The following SPATA22 variants were observed in gnomAD, a reference collection of about 807,000 sequenced individuals.
SPATA22 encodes spermatogenesis-associated protein 22.
In SPATA22, 29 loss-of-function variants were observed where a neutral mutation model predicts 47.8. The observed-to-expected ratio is 0.61, with a 90% CI of 0.45 to 0.83. The LOEUF (loss-of-function observed/expected upper bound fraction) is 0.83, where lower values mean the gene tolerates loss of function less well. Among genes scored for constraint, SPATA22 ranks in the 40% least tolerant of loss-of-function variants. The pLI, the probability that SPATA22 is intolerant of heterozygous loss-of-function variation, is 0.00. For synonymous variants in SPATA22, 133 were observed against 140.9 expected, an observed-to-expected ratio of 0.94 and a Z score of 0.40; for missense variants, 410 against 421.7, an observed-to-expected ratio of 0.97 and a Z score of 0.24.
At chr17:3,457,000 C>G (rs573401382) in intron 5 of SPATA22, among the ~76,000 whole-genome samples, 39 of 151,926 alleles carry the variant, frequency 2.6e-4, no homozygotes, top group Middle Eastern at 3.4e-3. Flanking sequence ...ATTCAACAAC[C>G]CTTCATGCTA....
chr17:3,498,942 G>C lies in SPATA22; in HGVS notation c.-74+14470C>G, dbSNP rs762812945. The C allele has an allele frequency of 1.9e-6, 3 of 1,612,270 alleles. No individual in the cohort carries two copies. In the South Asian group the frequency reaches 3.3e-5, roughly 18 times the overall value. ...TGGGGATCCCATGTTTTTAACTCTTGATGGGAAGACGATCCCACTGGGCGG... is the reference window on the plus strand; with the variant it reads ...TGGGGATCCCATGTTTTTAACTCTTCATGGGAAGACGATCCCACTGGGCGG... On this transcript the variant is annotated intron_variant, in intron 1 of 8. Coordinates refer to the SPATA22 transcript ENST00000541913.
intron 3 of SPATA22, among the ~76,000 whole-genome samples, chr17:3,465,260 C>T: frequency 6.8e-6 from 1 of 146,876 alleles, no homozygotes; most frequent in South Asian, 2.2e-4. Context: ...GCCCGGCCAC[C>T]ACCCCGTCTG....
At chr17:3,470,185 C>A (rs34838258) in intron 1 of SPATA22, among the ~76,000 whole-genome samples, 35,293 of 150,362 alleles carry the variant, frequency 0.23, 4,386 homozygotes, top group East Asian at 0.43. Flanking sequence ...ACAACTTCAA[C>A]AAGTGAAACA....
chr17:3,454,663 T>A (rs1004979146), intron 5 of SPATA22, among the ~76,000 whole-genome samples: 1 of 152,068 alleles, frequency 6.6e-6, no homozygotes, highest in East Asian at 1.9e-4. Flanking sequence ...TATTTCATGG[T>A]GTATATGTGC....
At chr17:3,476,476 T>C, upstream of SPATA22, 1 of 1,270,730 alleles carries the variant, frequency 7.9e-7, no homozygotes, top group Non-Finnish European at 1.1e-6. Context: ...CATATATGTA[T>C]ATGCAGATGA....
At chr17:3,469,684 T>C (rs1365503016) in intron 1 of SPATA22, among the ~76,000 whole-genome samples, 1 of 152,232 alleles carries the variant, frequency 6.6e-6, no homozygotes, top group African/African-American at 2.4e-5. Context: ...AAGAGAATTC[T>C]GAACCACACC....
upstream of SPATA22, chr17:3,476,220 C>T (rs773063268): frequency 6.2e-7 from 1 of 1,614,088 alleles, no homozygotes; most frequent in Non-Finnish European, 8.5e-7. Context: ...TGGAGGAACC[C>T]ATGGGAATGA....
intron 1 of SPATA22, chr17:3,499,645 G>T (rs1309100885): frequency 6.6e-6 from 1 of 152,328 alleles, no homozygotes; most frequent in African/African-American, 2.4e-5. Flanking sequence ...TGTTACTGTT[G>T]TTAAGTGTTT....
At chr17:3,479,639 C>T (rs1468145264) in intron 1 of SPATA22, among the ~76,000 whole-genome samples, 3 of 152,044 alleles carry the variant, frequency 2.0e-5, no homozygotes, top group African/African-American at 4.8e-5. Context: ...CTTCCCCCTG[C>T]ACCGACTCGA....
chr17:3,468,868 T>C, intron 2 of SPATA22: 1 of 942,202 alleles, frequency 1.1e-6, no homozygotes, highest in Non-Finnish European at 1.3e-6. Context: ...ATTCCCCTGG[T>C]TCTCATCATC....
chr17:3,484,211 C>A (rs1026390559), intron 1 of SPATA22, among the ~76,000 whole-genome samples: 1 of 152,168 alleles, frequency 6.6e-6, no homozygotes, highest in Non-Finnish European at 1.5e-5. Flanking sequence ...CCTGACCCTC[C>A]TCTATAGCAT....
Position 3,458,855 on chromosome 17 carries a change from C to CAAAAAAAAAAAAAAAAAAAAA in SPATA22, c.329+3607_329+3627dup, listed in dbSNP as rs545223532. 1.2e-3 allele frequency among the ~76,000 whole-genome samples: 45 copies of CAAAAAAAAAAAAAAAAAAAAA among 38,344 alleles called. 2 individuals carry two copies. Among genetic ancestry groups the CAAAAAAAAAAAAAAAAAAAAA allele is most frequent in the African/African-American group, 2.1e-3 (18 of 8,766 alleles). The allele number at this position is 38,344 out of a possible 152,430, so 25.2% of individuals were successfully genotyped here. A position where few individuals can be genotyped will look rare whatever the true frequency, so the allele number is the denominator to read the frequency against. Reference sequence around the variant, plus strand: ...CCTGGGCAACAAGAGCGAAACTTCACAAAAAAAAAAAAAAAAAAAAAAAAA... The same window carrying CAAAAAAAAAAAAAAAAAAAAA: ...CCTGGGCAACAAGAGCGAAACTTCACAAAAAAAAAAAAAAAAAAAAAAAAAAAAAAAAAAAAAAAAAAAAAA... On this transcript the variant is annotated intron_variant, in intron 5 of 8. Coordinates refer to ENST00000572969, the MANE Select transcript of SPATA22 (RefSeq NM_001170698.2).
chr17:3,473,304 T>A (rs1490919822), upstream of SPATA22, among the ~76,000 whole-genome samples: 1 of 152,146 alleles, frequency 6.6e-6, no homozygotes, highest in Non-Finnish European at 1.5e-5. Flanking sequence ...GTAAAAGTAG[T>A]TTGATTACAT....
rs1488926178 is a variant in SPATA22, at chr17:3,455,621, T to C, written c.330-6472A>G. 1.1e-4 allele frequency among the ~76,000 whole-genome samples: 15 copies of C among 142,714 alleles called. No individual in the cohort carries two copies. In the East Asian group the frequency reaches 2.7e-3, roughly 26 times the overall value. The allele number at this position is 142,714 out of a possible 152,430, so 93.6% of individuals were successfully genotyped here. A position where few individuals can be genotyped will look rare whatever the true frequency, so the allele number is the denominator to read the frequency against. ...AGATAGTTGTAGATATGCGGCGTTATTTCTGAGGGCTCTGTTCTGTTCCAT... is the reference window on the plus strand; with the variant it reads ...AGATAGTTGTAGATATGCGGCGTTACTTCTGAGGGCTCTGTTCTGTTCCAT... On this transcript the variant is annotated intron_variant, in intron 5 of 8. Coordinates refer to ENST00000572969, the MANE Select transcript of SPATA22 (RefSeq NM_001170698.2).
rs544190564 is a variant in SPATA22 at position 3,490,784 on chromosome 17, C to T, written c.-73-21386G>A. 2.0e-5 allele frequency among the ~76,000 whole-genome samples: 3 copies of T among 152,212 alleles called. No homozygotes were observed. The highest frequency in any genetic ancestry group is 4.8e-5 in the African/African-American group (2 of 41,544). On this transcript the variant is annotated intron_variant, in intron 1 of 8. Coordinates refer to the SPATA22 transcript ENST00000541913. This position sits in a 1 kb window ranked among gnomAD's most constrained non-coding sequence, Gnocchi z 4.6. ...GAAGGCCACAAATCTGGGTGGAAAA[C>T]GTGGTTGGTTTTCAGATCATAGTCC... is the stretch of plus-strand genomic sequence containing the variant.
chr17:3,482,399 A>G lies in SPATA22; in HGVS notation c.-73-13001T>C, dbSNP rs547187478. Among the ~76,000 whole-genome samples, 17 of 152,298 alleles carry G rather than the reference A, an allele frequency of 1.1e-4. No homozygotes were observed. In the South Asian group the frequency reaches 3.5e-3, roughly 32 times the overall value. On this transcript the variant is annotated intron_variant, in intron 1 of 8. Transcript: ENST00000541913. ...AAATCTCAGAGAAAATTTGCTAGAAAATAGCAACCAACCAGAAACACACAT... is the reference window on the plus strand; with the variant it reads ...AAATCTCAGAGAAAATTTGCTAGAAGATAGCAACCAACCAGAAACACACAT...
At chr17:3,457,615 T>C (rs2073026995) in intron 5 of SPATA22, among the ~76,000 whole-genome samples, 1 of 151,732 alleles carries the variant, frequency 6.6e-6, no homozygotes, top group Non-Finnish European at 1.5e-5. Context: ...AGTATGGTAC[T>C]GGTATTAAAA....
rs2072791425 is a variant in SPATA22, at chr17:3,448,979, G to A, written c.500C>T (p.Ser167Phe). Residue 167 changes from serine to phenylalanine, a missense_variant, in exon 6 of 9, where the codon TCT becomes TTT. Transcript: ENST00000572969. ...QLRIPEPPNL[S>F]RNKETELLRQ... is the part of the protein sequence containing the mutation. ...GAGTAGCTCGGTTTCTTTGTTGCGAGATAAGTTAGGAGGTTCAGGTATTCT... is the reference window on the plus strand; with the variant it reads ...GAGTAGCTCGGTTTCTTTGTTGCGAAATAAGTTAGGAGGTTCAGGTATTCT... 6.2e-7 allele frequency: 1 copy of A among 1,613,898 alleles called. No homozygotes were observed. The highest frequency in any genetic ancestry group is 8.5e-7 in the Non-Finnish European group (1 of 1,179,980).
chr17:3,451,677 G>A (rs890484927), intron 5 of SPATA22, among the ~76,000 whole-genome samples: 5 of 152,166 alleles, frequency 3.3e-5, no homozygotes, highest in Admixed American at 1.3e-4. Flanking sequence ...CGCCAGGCAT[G>A]GTGGCTTACG....
Sources: allele counts gnomAD v4.1 joint callset (sites outside exome capture counted in the v4.1 genomes callset), GRCh38; gene constraint gnomAD v4.1.1; non-coding constraint Gnocchi (gnomAD v3.1); transcripts MANE v1.5; gene names NCBI Gene and HGNC (gene_info 2026-07-23, HGNC 2026-07-21).